Variants in SMARCA2 observed in about 807,000 individuals in gnomAD.
SMARCA2 encodes the protein SWI/SNF-related matrix-associated actin-dependent regulator of chromatin subfamily A member 2.
SMARCA2 carries 61 observed loss-of-function variants against 199.8 expected under a neutral mutation model. That is an observed-to-expected ratio of 0.31 (90% CI 0.25 to 0.38). The LOEUF (loss-of-function observed/expected upper bound fraction) is 0.38, where lower values mean the gene tolerates loss of function less well. SMARCA2 is among the 10% of genes least tolerant of loss of function. The pLI, the probability that SMARCA2 is intolerant of heterozygous loss-of-function variation, is 1.00. For missense variants in SMARCA2, 1,344 were observed against 2,012.2 expected (o/e 0.67, Z 6.35); for synonymous variants, 935 against 732.0 (o/e 1.28, Z -4.48).
chr9:2,191,294 C>G lies in SMARCA2; in HGVS notation c.4623C>G (p.Leu1541=), dbSNP rs1315409810. 3 of 1,613,702 alleles carry G rather than the reference C, an allele frequency of 1.9e-6. No homozygotes were observed. Among genetic ancestry groups the G allele is most frequent in the Non-Finnish European group, 2.5e-6 (3 of 1,179,936 alleles). ...AATCAGTCAAGGTGAAAATTAAGCTCAATAAAAAAGATGACAAAGGCCGGG... is the reference window on the plus strand; with the variant it reads ...AATCAGTCAAGGTGAAAATTAAGCTGAATAAAAAAGATGACAAAGGCCGGG... ...EAKSVKVKIK[L]NKKDDKGRDK... is the part of the protein sequence containing the mutation. Residue 1541 remains leucine, a synonymous_variant, in exon 33 of 34, where the codon CTC becomes CTG. Transcript: ENST00000349721.
At chr9:2,148,226 T>TTAATG (rs1264964063) in intron 27 of SMARCA2, among the ~76,000 whole-genome samples, 1 of 151,678 alleles carries the variant, frequency 6.6e-6, no homozygotes, top group Non-Finnish European at 1.5e-5. Flanking sequence ...TCTAATTGAA[T>TTAATG]TAATGTAGCT....
At chr9:2,164,972 C>G (rs1317049261) in intron 28 of SMARCA2, among the ~76,000 whole-genome samples, 2 of 152,148 alleles carry the variant, frequency 1.3e-5, no homozygotes, top group East Asian at 1.9e-4. Flanking sequence ...TTCTCTTTAA[C>G]TTGGTACTCA....
In SMARCA2 at chr9:2,017,632, TG is replaced by T. The variant is rs1450967878; in HGVS notation, c.-37+2229del. 2 of 152,106 alleles carry T rather than the reference TG, an allele frequency of 1.3e-5. No homozygotes were observed. Among genetic ancestry groups the T allele is most frequent in the African/African-American group, 4.8e-5 (2 of 41,350 alleles). The allele number at this position is 152,106 out of a possible 1,614,324, so 9.4% of individuals were successfully genotyped here. Reference sequence around the variant, plus strand: ...CACACAGCACACAGACATGTTTGATTGCCGTGACATGACGCGCGCGAGGGAG... The same window carrying T: ...CACACAGCACACAGACATGTTTGATTCCGTGACATGACGCGCGCGAGGGAG... On this transcript the variant is annotated intron_variant, in intron 1 of 33. Transcript: ENST00000349721. This position sits in a 1 kb window ranked among gnomAD's most constrained non-coding sequence, Gnocchi z 8.8.
At chr9:2,082,786 A>G (rs1821625337) in intron 15 of SMARCA2, among the ~76,000 whole-genome samples, 1 of 152,220 alleles carries the variant, frequency 6.6e-6, no homozygotes, top group South Asian at 2.1e-4. Flanking sequence ...TCTAATGAAG[A>G]CTATTTGCAG....
intron 13 of SMARCA2, 42 bp downstream of exon 13, chr9:2,076,371 A>G (rs1174151317): frequency 1.7e-6 from 2 of 1,162,512 alleles, no homozygotes; most frequent in African/African-American, 3.0e-5. Context: ...TTGCATGAGG[A>G]TGATGCTTAA....
chr9:2,123,959 C>A lies in SMARCA2; in HGVS notation c.3981+22C>A. 2 of 1,538,568 alleles carry A rather than the reference C, an allele frequency of 1.3e-6. No individual in the cohort carries two copies. The highest frequency in any genetic ancestry group is 1.2e-5 in the South Asian group (1 of 83,806). On this transcript the variant is annotated intron_variant, in intron 27 of 33. Transcript: ENST00000349721. This position sits in a 1 kb window ranked among gnomAD's most constrained non-coding sequence, Gnocchi z 4.1. Reference sequence around the variant, plus strand: ...AAGGGTAAGCCTAGCTTTTCTAACCCGCTCTCACTAGGTGGAGGGTTTTTG... The same window carrying A: ...AAGGGTAAGCCTAGCTTTTCTAACCAGCTCTCACTAGGTGGAGGGTTTTTG...
chr9:2,030,772 G>C (rs1207801965), intron 2 of SMARCA2, among the ~76,000 whole-genome samples: 1 of 152,108 alleles, frequency 6.6e-6, no homozygotes, highest in African/African-American at 2.4e-5. Context: ...AGCCGTGGAA[G>C]ATCCTGGCTT....
chr9:2,043,424 C>A (rs568112983), intron 4 of SMARCA2: 2 of 152,288 alleles, frequency 1.3e-5, no homozygotes, highest in Admixed American at 6.5e-5. Context: ...TCTAACCCAT[C>A]ATTTTTCTTT....
chr9:2,154,849 G>A (rs1330275613), intron 27 of SMARCA2, among the ~76,000 whole-genome samples: 2 of 152,126 alleles, frequency 1.3e-5, no homozygotes, highest in Non-Finnish European at 2.9e-5. Flanking sequence ...TGAGAACCTC[G>A]AAGTACAGAA....
intron 8 of SMARCA2, among the ~76,000 whole-genome samples, chr9:2,060,379 A>C (rs1820535588): frequency 6.6e-6 from 1 of 152,192 alleles, no homozygotes; most frequent in African/African-American, 2.4e-5. Flanking sequence ...ATCACAAGTG[A>C]ATTTTTGTTG....
At position 2,039,540 on chromosome 9, in the gene SMARCA2, A is replaced by G; in HGVS notation, c.430A>G (p.Thr144Ala). Residue 144 changes from threonine (T) to alanine (A), a missense_variant, in exon 4 of 34, where the codon ACT becomes GCT. Thr to Ala is a moderately conservative substitution (Grantham distance 58). Coordinates refer to ENST00000349721, the MANE Select transcript of SMARCA2 (RefSeq NM_003070.5). This position sits in a 1 kb window ranked among gnomAD's most constrained non-coding sequence, Gnocchi z 4.8. Reference sequence around the variant, plus strand: ...CAGCCCTATGTCTGGAGGAGGCCCAACTCCACCTCAGATGCCACCAAGCCA... The same window carrying G: ...CAGCCCTATGTCTGGAGGAGGCCCAGCTCCACCTCAGATGCCACCAAGCCA... ...VSSPMSGGGP[T>A]PPQMPPSQPG... 4 of 1,613,886 alleles carry G rather than the reference A, an allele frequency of 2.5e-6. No individual in the cohort carries two copies. Among genetic ancestry groups the G allele is most frequent in the Non-Finnish European group, 3.4e-6 (4 of 1,179,978 alleles).
At chr9:2,098,517 A>G (rs527357413) in intron 21 of SMARCA2, among the ~76,000 whole-genome samples, 2 of 152,332 alleles carry the variant, frequency 1.3e-5, no homozygotes, top group African/African-American at 4.8e-5. Flanking sequence ...AGTCCATAGG[A>G]GAAAGTATCC....
intron 14 of SMARCA2, among the ~76,000 whole-genome samples, chr9:2,080,384 T>A (rs1821512385): frequency 6.6e-6 from 1 of 152,206 alleles, no homozygotes; most frequent in South Asian, 2.1e-4. Flanking sequence ...AGTTTCTACT[T>A]CTGTTTTGTA....
At chr9:2,112,366 A>G (rs1823043182) in intron 24 of SMARCA2, among the ~76,000 whole-genome samples, 1 of 152,168 alleles carries the variant, frequency 6.6e-6, no homozygotes, top group African/African-American at 2.4e-5. Flanking sequence ...GTTTACCTTC[A>G]CTGGCACAGT....
intron 29 of SMARCA2, among the ~76,000 whole-genome samples, chr9:2,180,702 C>T (rs1369326448): frequency 6.6e-6 from 1 of 152,194 alleles, no homozygotes; most frequent in Non-Finnish European, 1.5e-5. Flanking sequence ...AATTGTGAAT[C>T]TCTTTGTGCC....
At chr9:2,095,518 CAAG>C (rs1333826027) in intron 19 of SMARCA2, among the ~76,000 whole-genome samples, 13 of 152,134 alleles carry the variant, frequency 8.5e-5, no homozygotes, top group African/African-American at 2.4e-4. Context: ...TTCACCTGGC[CAAG>C]AAGGTCATTA....
At chr9:2,097,986 C>T (rs898453906) in intron 21 of SMARCA2, among the ~76,000 whole-genome samples, 1 of 152,048 alleles carries the variant, frequency 6.6e-6, no homozygotes, top group Non-Finnish European at 1.5e-5. Context: ...GATGTAAATC[C>T]AGGCTTTCAT....
chr9:2,056,965 A>G lies in SMARCA2; in HGVS notation c.1347+120A>G. ...GTGGGTGGTGGGGACATCACAGAAC[A>G]GAACGGTTCCTTGACATGTACATAA... On this transcript the variant is annotated intron_variant, in intron 7 of 33. Transcript: ENST00000349721. The surrounding 1 kb of genome is among the most constrained non-coding windows in gnomAD (Gnocchi z 4.0). 10 of 814,392 alleles carry G rather than the reference A, an allele frequency of 1.2e-5. No homozygotes were observed. Among genetic ancestry groups the G allele is most frequent in the African/African-American group, 1.7e-5 (1 of 57,914 alleles). The allele number at this position is 814,392 out of a possible 1,614,324, so 50.4% of individuals were successfully genotyped here.
intron 21 of SMARCA2, among the ~76,000 whole-genome samples, chr9:2,100,079 G>A (rs1586704375): frequency 6.6e-6 from 1 of 152,190 alleles, no homozygotes; most frequent in Non-Finnish European, 1.5e-5. Flanking sequence ...TCCCCTTGGA[G>A]GAAAAGCTGC....
Sources: gnomAD v4.1 joint callset for allele counts (sites outside exome capture counted in the v4.1 genomes callset) on GRCh38, gnomAD v4.1.1 for gene constraint, Gnocchi (gnomAD v3.1) non-coding constraint, MANE v1.5 for transcripts, NCBI Gene and HGNC (gene_info 2026-07-23, HGNC 2026-07-21) for gene names.